The following NOM1 variants were observed in gnomAD, a reference collection of about 807,000 sequenced individuals.
The protein encoded by NOM1 is nucleolar MIF4G domain-containing protein 1.
Under a neutral mutation model 73.3 loss-of-function variants are expected in NOM1, and 58 were observed. The observed-to-expected ratio is 0.79, with a 90% CI of 0.64 to 0.99. NOM1 has a LOEUF of 0.99. Among genes scored for constraint, NOM1 ranks in the 50% least tolerant of loss-of-function variants. The pLI, the probability that NOM1 is intolerant of heterozygous loss-of-function variation, is 0.00. For synonymous variants in NOM1, 487 were observed against 446.8 expected (o/e 1.09, Z -1.14); for missense variants, 1,226 against 1,131.9 (o/e 1.08, Z -1.19).
intron 9 of NOM1, among the ~76,000 whole-genome samples, chr7:156,967,600 C>T (rs569860462): frequency 2.7e-4 from 41 of 152,180 alleles, no homozygotes; most frequent in Non-Finnish European, 5.0e-4. Context: ...GGTGCAATCT[C>T]TGCAACCTCT....
At chr7:156,959,299 T>G (rs1159212098) in intron 3 of NOM1, among the ~76,000 whole-genome samples, 1 of 152,176 alleles carries the variant, frequency 6.6e-6, no homozygotes, top group African/African-American at 2.4e-5. Flanking sequence ...ACACGGGGTT[T>G]CACCACGTTA....
intron 7 of NOM1, 83 bp from the exon 8 acceptor site, chr7:156,966,187 G>A (rs1452737744): frequency 3.9e-6 from 6 of 1,556,006 alleles, no homozygotes; most frequent in East Asian, 4.5e-5. Context: ...CCTTCCAGGC[G>A]GGAAGATGTT....
Position 156,949,742 on chromosome 7 carries a change from C to T in NOM1, c.5C>T (p.Ala2Val), listed in dbSNP as rs776639784. The change falls in exon 1 of 11, where the codon GCG becomes GTG. Residue 2 changes from alanine (A) to valine (V), a missense_variant. Transcript: ENST00000275820. The part of the protein sequence containing the change: M[A>V]ASRSAGEAGP... ...TGCGTCCACGCGTTTCGAAAGATGG[C>T]GGCGTCCAGGAGCGCGGGAGAGGCC... 4.9e-5 allele frequency: 67 copies of T among 1,359,090 alleles called. No individual in the cohort carries two copies. The highest frequency in any genetic ancestry group is 7.5e-5 in the Admixed American group (2 of 26,808). The allele number at this position is 1,359,090 out of a possible 1,614,324, so 84.2% of individuals were successfully genotyped here.
At chr7:156,968,023 G>A (rs1432940681) in intron 9 of NOM1, among the ~76,000 whole-genome samples, 5 of 152,190 alleles carry the variant, frequency 3.3e-5, no homozygotes, top group Admixed American at 6.5e-5. Context: ...ACAGCTTCCC[G>A]TGTGTTTCTG....
chr7:156,953,252 C>T (rs1804637499), intron 2 of NOM1, among the ~76,000 whole-genome samples: 1 of 152,176 alleles, frequency 6.6e-6, no homozygotes. Flanking sequence ...GCCTCAGCCT[C>T]CTGAGTAGCT....
At chr7:156,953,115 T>TTTTTG (rs55948664) in intron 2 of NOM1, among the ~76,000 whole-genome samples, 16 of 151,688 alleles carry the variant, frequency 1.1e-4, no homozygotes, top group African/African-American at 2.7e-4. Context: ...TGTGTAGGTT[T>TTTTTG]TTTTGTTTTG....
chr7:156,972,837 C>G lies in NOM1; in HGVS notation c.*3134C>G, dbSNP rs900599841. 7.9e-5 allele frequency: 12 copies of G among 152,142 alleles called. No individual in the cohort carries two copies. Among genetic ancestry groups the G allele is most frequent in the African/African-American group, 2.7e-4 (11 of 41,426 alleles). 9.4% of individuals were successfully genotyped at this position (152,142 alleles called of 1,614,324 possible). Reference sequence around the variant, plus strand: ...AGAGTGAAACTCTCAAAAGCAGAAACAAAAACCCAACATATATGGGCTGTT... The same window carrying G: ...AGAGTGAAACTCTCAAAAGCAGAAAGAAAAACCCAACATATATGGGCTGTT... On this transcript the variant is annotated 3_prime_UTR_variant, in exon 11 of 11. Coordinates refer to ENST00000275820, the MANE Select transcript of NOM1 (RefSeq NM_138400.2).
chr7:156,960,279 T>C (rs1586570559), intron 4 of NOM1, 105 bp downstream of exon 4: 1 of 927,884 alleles, frequency 1.1e-6, no homozygotes, highest in East Asian at 2.5e-5. Flanking sequence ...GCTTTCCTAG[T>C]GATTTCTGTT....
rs763981563 is a variant in NOM1 at position 156,950,284 on chromosome 7, G to T, written c.547G>T (p.Asp183Tyr). The change falls in exon 1 of 11, where the codon GAC becomes TAC. Residue 183 changes from aspartate to tyrosine, a missense_variant. Transcript: ENST00000275820. ...RALLAANEEE[D>Y]REIRKLERCL... The stretch of plus-strand genomic sequence containing the variant: ...GCTTTTAGCGGCGAACGAGGAGGAG[G>T]ACCGAGAGATCCGAAAGCTGGAGCG... 7 of 1,614,120 alleles carry T rather than the reference G, an allele frequency of 4.3e-6. No individual in the cohort carries two copies. In the South Asian group the frequency reaches 7.7e-5, roughly 18 times the overall value.
chr7:156,955,961 C>T (rs1586566914), intron 3 of NOM1, among the ~76,000 whole-genome samples: 1 of 151,992 alleles, frequency 6.6e-6, no homozygotes, highest in Non-Finnish European at 1.5e-5. Flanking sequence ...GAGGCCGAGG[C>T]GGGTGGATCA....
At chr7:156,956,103 G>GAA (rs1448774196) in intron 3 of NOM1, among the ~76,000 whole-genome samples, 3 of 151,812 alleles carry the variant, frequency 2.0e-5, no homozygotes, top group African/African-American at 7.3e-5. Flanking sequence ...TGAGGCAGGA[G>GAA]AATGGCGTGA....
At position 156,960,149 on chromosome 7, in the gene NOM1, G is replaced by A. The variant is rs776149028; in HGVS notation, c.1607G>A (p.Gly536Asp). ...GCCCAGACCAAAGCCAGCGGGGCAG[G>A]CAGCGAGTTTCAGGACCAGACCAGG... ...TEAQTKASGA[G>D]SEFQDQTRIR... is the part of the protein sequence containing the mutation. The change falls in exon 4 of 11, where the codon GGC (glycine) becomes GAC (aspartate). Residue 536 changes from glycine (G) to aspartate (D), a missense_variant. By Grantham distance (94) the Gly-to-Asp change is moderately conservative. Transcript: ENST00000275820. 2 of 1,613,318 alleles carry A rather than the reference G, an allele frequency of 1.2e-6. No individual in the cohort carries two copies. Among genetic ancestry groups the A allele is most frequent in the East Asian group, 4.5e-5 (2 of 44,898 alleles).
chr7:156,963,803 C>T lies in NOM1; in HGVS notation c.1912-102C>T, dbSNP rs1360530523. On this transcript the variant is annotated intron_variant, in intron 6 of 10. Transcript: ENST00000275820. Reference sequence around the variant, plus strand: ...CTTGGTGCCATCCGCCCACGTAGACCTCACAGTTCTATTCAGTGACACTGA... The same window carrying T: ...CTTGGTGCCATCCGCCCACGTAGACTTCACAGTTCTATTCAGTGACACTGA... The T allele has an allele frequency of 8.6e-6, 12 of 1,396,174 alleles. No homozygotes were observed. The East Asian group carries it at 2.3e-4, about 27-fold the overall frequency. The allele number at this position is 1,396,174 out of a possible 1,614,324, so 86.5% of individuals were successfully genotyped here.
intron 1 of NOM1, among the ~76,000 whole-genome samples, chr7:156,951,394 A>C (rs1380434812): frequency 6.6e-6 from 1 of 152,174 alleles, no homozygotes; most frequent in Non-Finnish European, 1.5e-5. Flanking sequence ...TTCAAAGAAA[A>C]AAAAAAGTTC....
rs1805129147 is a variant in NOM1 at position 156,971,047 on chromosome 7, C to G, written c.*1344C>G. 1.3e-5 allele frequency: 2 copies of G among 152,180 alleles called. No individual in the cohort carries two copies. Among genetic ancestry groups the G allele is most frequent in the South Asian group, 4.1e-4 (2 of 4,826 alleles). 9.4% of individuals were successfully genotyped at this position (152,180 alleles called of 1,614,324 possible). A position where few individuals can be genotyped will look rare whatever the true frequency, so the allele number is the denominator to read the frequency against. On this transcript the variant is annotated 3_prime_UTR_variant, in exon 11 of 11. Transcript: ENST00000275820. ...GTCTAGTGGGAGAAACAAACACACC[C>G]CACTCACTAAGTATGGAAAACTGAT...
chr7:156,959,304 A>G (rs1334674712), intron 3 of NOM1, among the ~76,000 whole-genome samples: 2 of 141,576 alleles, frequency 1.4e-5, no homozygotes, highest in Non-Finnish European at 3.3e-5. Flanking sequence ...GGGTTTCACC[A>G]CGTTAGCCAG....
chr7:156,963,054 G>A lies in NOM1; in HGVS notation c.1790G>A (p.Trp597Ter), dbSNP rs1202777755. The A allele has an allele frequency of 1.2e-6, 2 of 1,614,184 alleles. No individual in the cohort carries two copies. ...TCTGAGACGCAGCTTCGCGTCTCCT[G>A]GGACAGTGTCTTGAGTGCGGAGCAG... ...SGSETQLRVSWDSVLSAEQTG... is the reference protein window; with the variant it reads ...SGSETQLRVS Residue 597 changes from tryptophan (W) to a stop codon, truncating the protein, a stop_gained, in exon 6 of 11, where the codon TGG becomes TAG. Transcript: ENST00000275820. LOFTEE classifies it high-confidence loss of function.
At chr7:156,961,316 A>G (rs2134787367) in intron 4 of NOM1, among the ~76,000 whole-genome samples, 1 of 152,244 alleles carries the variant, frequency 6.6e-6, no homozygotes, top group Admixed American at 6.5e-5. Context: ...AGGGATTTGC[A>G]TTTTGGGCTG....
chr7:156,960,347 C>A, intron 4 of NOM1, 173 bp downstream of exon 4: 1 of 587,066 alleles, frequency 1.7e-6, no homozygotes. Context: ...ATTCCTTTAC[C>A]AGAAAAATAT....
Sources: allele counts gnomAD v4.1 joint callset (sites outside exome capture counted in the v4.1 genomes callset), GRCh38; gene constraint gnomAD v4.1.1; transcripts MANE v1.5; gene names NCBI Gene and HGNC (gene_info 2026-07-23, HGNC 2026-07-21).